Variants in DIP2A observed in about 807,000 individuals in gnomAD.
DIP2A encodes the protein disco-interacting protein 2 homolog A.
In DIP2A, 85 loss-of-function variants were observed where a neutral mutation model predicts 177.4. The ratio of observed to expected loss-of-function variants is 0.48; its 90% CI spans 0.40 to 0.57. DIP2A has a LOEUF of 0.57. DIP2A is among the 20% of genes least tolerant of loss of function. The pLI is 0.00. For synonymous variants in DIP2A, 886 were observed against 881.8 expected (o/e 1.00, Z -0.08); for missense variants, 1,791 against 2,100.2 (o/e 0.85, Z 2.88).
chr21:46,554,551 C>G (rs1470312566), intron 26 of DIP2A, 24 bp from the exon 27 acceptor site: 1 of 1,607,472 alleles, frequency 6.2e-7, no homozygotes, highest in Non-Finnish European at 8.5e-7. Context: ...CCGGCCTCCT[C>G]ACAGCCAGTC....
At chr21:46,542,345 A>G (rs528306996) in intron 18 of DIP2A, among the ~76,000 whole-genome samples, 4 of 152,368 alleles carry the variant, frequency 2.6e-5, no homozygotes, top group African/African-American at 7.2e-5. Context: ...TATGTGTTGA[A>G]GCATTTAACC....
downstream of DIP2A, among the ~76,000 whole-genome samples, chr21:46,573,197 T>C (rs562628139): frequency 1.3e-5 from 2 of 151,758 alleles, no homozygotes; most frequent in Non-Finnish European, 2.9e-5. Flanking sequence ...GCATATAGAA[T>C]ATGAAGTGAC....
intron 8 of DIP2A, among the ~76,000 whole-genome samples, chr21:46,521,592 AC>A (rs1486595927): frequency 2.0e-5 from 3 of 152,220 alleles, no homozygotes; most frequent in African/African-American, 7.2e-5. Flanking sequence ...TCTTAATAAA[AC>A]CTTGTAGACA....
the DIP2A span, among the ~76,000 whole-genome samples, chr21:46,580,733 G>C: frequency 6.6e-6 from 1 of 152,146 alleles, no homozygotes. Context: ...AAAATTCTGG[G>C]TTGGAAATTC....
At chr21:46,463,550 A>G (rs1345812013) in intron 1 of DIP2A, among the ~76,000 whole-genome samples, 1 of 152,182 alleles carries the variant, frequency 6.6e-6, no homozygotes, top group Non-Finnish European at 1.5e-5. Context: ...TATTCTAACA[A>G]TGCAGGACTT....
At chr21:46,479,199 T>A (rs2056158447) in intron 1 of DIP2A, among the ~76,000 whole-genome samples, 1 of 152,228 alleles carries the variant, frequency 6.6e-6, no homozygotes, top group African/African-American at 2.4e-5. Context: ...GTTCAGCTAC[T>A]TGGTGATTAC....
At chr21:46,501,649 C>T (rs989004188) in intron 5 of DIP2A, among the ~76,000 whole-genome samples, 5 of 152,134 alleles carry the variant, frequency 3.3e-5, no homozygotes, top group African/African-American at 4.8e-5. Flanking sequence ...GCTTGAACTC[C>T]TGGGCTCAAG....
chr21:46,465,824 T>C (rs951399343), intron 1 of DIP2A, among the ~76,000 whole-genome samples: 7 of 152,190 alleles, frequency 4.6e-5, no homozygotes, highest in African/African-American at 1.7e-4. Flanking sequence ...CACAAAGAGG[T>C]ACAGTGCCTG....
chr21:46,515,666 A>T (rs1473318673), intron 8 of DIP2A, among the ~76,000 whole-genome samples: 1 of 151,526 alleles, frequency 6.6e-6, no homozygotes, highest in African/African-American at 2.4e-5. Context: ...CCTCCCTTTT[A>T]CCTGGGACCA....
intron 1 of DIP2A, among the ~76,000 whole-genome samples, chr21:46,466,744 A>G (rs2054868423): frequency 6.6e-6 from 1 of 151,448 alleles, no homozygotes. Flanking sequence ...GAGACACCCC[A>G]CCTTTTTCCA....
chr21:46,459,331 C>T, intron 1 of DIP2A, 109 bp downstream of exon 1: 1 of 927,244 alleles, frequency 1.1e-6, no homozygotes, highest in Non-Finnish European at 1.5e-6. Context: ...GACCCCCGCC[C>T]TTCACCCCCG....
chr21:46,543,069 T>G (rs1336466524), intron 18 of DIP2A, among the ~76,000 whole-genome samples: 1 of 152,256 alleles, frequency 6.6e-6, no homozygotes, highest in Non-Finnish European at 1.5e-5. Context: ...TAGCTCTACT[T>G]GTTACTCATA....
chr21:46,487,036 C>T (rs1268257373), intron 2 of DIP2A, among the ~76,000 whole-genome samples: 5 of 152,050 alleles, frequency 3.3e-5, no homozygotes, highest in Admixed American at 3.3e-4. Flanking sequence ...TGTAGTGAGT[C>T]CAGAAAGAGA....
intron 8 of DIP2A, among the ~76,000 whole-genome samples, chr21:46,528,568 T>C (rs146398153): frequency 1.1e-5 from 1 of 90,636 alleles, no homozygotes; most frequent in Non-Finnish European, 2.3e-5. Flanking sequence ...TTTTTTTTTT[T>C]AGATAATGTC....
At chr21:46,520,751 T>C (rs1456209754) in intron 8 of DIP2A, among the ~76,000 whole-genome samples, 1 of 152,234 alleles carries the variant, frequency 6.6e-6, no homozygotes, top group Non-Finnish European at 1.5e-5. Flanking sequence ...ATCAGAGTTA[T>C]AGAAGTTTCA....
At position 46,557,089 on chromosome 21, in the gene DIP2A, T is replaced by G. The variant is rs752320769; in HGVS notation, c.3629+20T>G. On this transcript the variant is annotated intron_variant, in intron 30 of 37. Coordinates refer to ENST00000417564, the MANE Select transcript of DIP2A (RefSeq NM_015151.4). This position sits in a 1 kb window ranked among gnomAD's most constrained non-coding sequence, Gnocchi z 6.0. ...GTGCAGGTGAGTGCAGGGCCCCTGC[T>G]GCCTGCCAGGTGGGAGCAGCTCGTG... 44 of 1,586,634 alleles carry G rather than the reference T, an allele frequency of 2.8e-5. No homozygotes were observed. Among genetic ancestry groups the G allele is most frequent in the Non-Finnish European group, 9.5e-6 (11 of 1,163,894 alleles).
At chr21:46,551,341 G>A (rs1265393210) in intron 23 of DIP2A, among the ~76,000 whole-genome samples, 1 of 152,068 alleles carries the variant, frequency 6.6e-6, no homozygotes, top group African/African-American at 2.4e-5. Context: ...TATACATAAA[G>A]TACAGTAAAA....
At chr21:46,558,414 G>A in intron 32 of DIP2A, 21 bp downstream of exon 32, 1 of 1,560,776 alleles carries the variant, frequency 6.4e-7, no homozygotes, top group Non-Finnish European at 8.6e-7. Flanking sequence ...TGGGGCTGCG[G>A]TTCTCGAAAG....
chr21:46,522,909 A>G (rs1047424778), intron 8 of DIP2A, among the ~76,000 whole-genome samples: 1 of 151,720 alleles, frequency 6.6e-6, no homozygotes, highest in East Asian at 1.9e-4. Flanking sequence ...GTGCTCTTTT[A>G]TTTTTTTAAT....
Sources: gnomAD v4.1 joint callset for allele counts (sites outside exome capture counted in the v4.1 genomes callset) on GRCh38, gnomAD v4.1.1 for gene constraint, Gnocchi (gnomAD v3.1) non-coding constraint, MANE v1.5 for transcripts, NCBI Gene and HGNC (gene_info 2026-07-23, HGNC 2026-07-21) for gene names.